Variants in DLGAP1 observed in about 807,000 individuals in gnomAD.
DLGAP1 encodes the protein disks large-associated protein 1.
In DLGAP1, 11 loss-of-function variants were observed where a neutral mutation model predicts 90.8. The observed-to-expected ratio is 0.12, with a 90% CI of 0.08 to 0.20. The LOEUF is 0.20. Ranked by LOEUF, DLGAP1 falls within the 10% of genes least tolerant of loss-of-function variation. The pLI, the probability that DLGAP1 is intolerant of heterozygous loss-of-function variation, is 1.00. For missense variants in DLGAP1, 1,050 were observed against 1,333.8 expected (o/e 0.79, Z 3.31); for synonymous variants, 558 against 540.7 (o/e 1.03, Z -0.44).
intron 1 of DLGAP1, among the ~76,000 whole-genome samples, chr18:4,201,244 C>T (rs542153290): frequency 6.6e-6 from 1 of 151,916 alleles, no homozygotes; most frequent in Admixed American, 6.6e-5. Context: ...AAGAGTTTTT[C>T]CTCCAGAAGT....
intron 1 of DLGAP1, among the ~76,000 whole-genome samples, chr18:4,213,675 T>C (rs183974128): frequency 9.8e-4 from 149 of 152,256 alleles, no homozygotes; most frequent in African/African-American, 3.4e-3. Context: ...TATAGAGATA[T>C]ATGCATTAAC....
intron 4 of DLGAP1, among the ~76,000 whole-genome samples, chr18:3,856,666 C>A (rs2069661826): frequency 6.6e-6 from 1 of 152,074 alleles, no homozygotes; most frequent in Non-Finnish European, 1.5e-5. Context: ...TCGAGACCAT[C>A]CTGGCTAACA....
At chr18:3,755,077 T>C (rs1248861333) in intron 5 of DLGAP1, among the ~76,000 whole-genome samples, 1 of 152,132 alleles carries the variant, frequency 6.6e-6, no homozygotes, top group Admixed American at 6.5e-5. Context: ...AATATTGATT[T>C]GAACTAGATT....
chr18:4,319,203 C>A (rs2143569766), intron 1 of DLGAP1, among the ~76,000 whole-genome samples: 1 of 152,180 alleles, frequency 6.6e-6, no homozygotes, highest in East Asian at 1.9e-4. Context: ...CTAGCATATA[C>A]TTGTTTTACT....
chr18:3,976,210 A>AATAATAATAATAATAACG (rs1190327837), intron 3 of DLGAP1, among the ~76,000 whole-genome samples: 6 of 148,932 alleles, frequency 4.0e-5, no homozygotes, highest in Non-Finnish European at 7.4e-5. Flanking sequence ...TAATAATAAT[A>AATAATAATAATAATAACG]ATAATAATAA....
intron 5 of DLGAP1, among the ~76,000 whole-genome samples, chr18:3,793,408 T>C (rs1188026412): frequency 5.3e-5 from 8 of 152,320 alleles, no homozygotes; most frequent in Admixed American, 4.6e-4. Flanking sequence ...GCCAGATTTA[T>C]TCCTTTGAAG....
chr18:4,254,842 C>G (rs1238268784), intron 1 of DLGAP1, among the ~76,000 whole-genome samples: 2 of 152,158 alleles, frequency 1.3e-5, no homozygotes, highest in Non-Finnish European at 2.9e-5. Flanking sequence ...AAGACAGGAC[C>G]TGAAGTAGCT....
chr18:4,387,962 C>A (rs1471600142), intron 1 of DLGAP1, among the ~76,000 whole-genome samples: 1 of 148,018 alleles, frequency 6.8e-6, no homozygotes, highest in Non-Finnish European at 1.5e-5. Flanking sequence ...CACACACACA[C>A]ACACACACAC....
At chr18:4,360,441 C>T (rs1396297632) in intron 1 of DLGAP1, among the ~76,000 whole-genome samples, 1 of 152,124 alleles carries the variant, frequency 6.6e-6, no homozygotes, top group Admixed American at 6.5e-5. Flanking sequence ...AAATGCGAAT[C>T]AAAAGGTGGA....
At chr18:4,076,219 A>G (rs1271712409) in intron 2 of DLGAP1, among the ~76,000 whole-genome samples, 1 of 152,230 alleles carries the variant, frequency 6.6e-6, no homozygotes, top group African/African-American at 2.4e-5. Flanking sequence ...TAAAAAAATT[A>G]TATGCCATGG....
Position 3,772,364 on chromosome 18 carries a change from CTTTCTTTCTTTCTTTCTTTCTT to C in DLGAP1, c.1173-29874_1173-29853del, listed in dbSNP as rs1384034984. ...TCTCTCTCTCTTTCTTTCTTTCTTTCTTTCTTTCTTTCTTTCTTTCTTTCTTTCTTTCTTTCTTTCTTTCTCT... is the reference window on the plus strand; with the variant it reads ...TCTCTCTCTCTTTCTTTCTTTCTTTCTCTTTCTTTCTTTCTTTCTTTCTCT... On this transcript the variant is annotated intron_variant, in intron 5 of 12. Coordinates refer to ENST00000315677, the MANE Select transcript of DLGAP1 (RefSeq NM_004746.4). 1.1e-3 allele frequency among the ~76,000 whole-genome samples: 11 copies of C among 10,296 alleles called. 1 individual carries two copies. Among genetic ancestry groups the C allele is most frequent in the South Asian group, 3.8e-3 (1 of 262 alleles). The allele number at this position is 10,296 out of a possible 152,430, so 6.8% of individuals were successfully genotyped here. A position where few individuals can be genotyped will look rare whatever the true frequency, so the allele number is the denominator to read the frequency against.
intron 7 of DLGAP1, among the ~76,000 whole-genome samples, chr18:3,669,772 T>C (rs559829719): frequency 2.0e-5 from 3 of 152,162 alleles, no homozygotes; most frequent in Admixed American, 2.0e-4. Flanking sequence ...ATCCAGTTCT[T>C]CCGGTGCACC....
intron 5 of DLGAP1, among the ~76,000 whole-genome samples, chr18:3,754,705 C>T (rs2063642582): frequency 7.0e-6 from 1 of 142,320 alleles, no homozygotes; most frequent in Admixed American, 7.1e-5. Context: ...CATGGTGAAA[C>T]CCGTCTCTAC....
intron 7 of DLGAP1, among the ~76,000 whole-genome samples, chr18:3,637,937 T>C (rs933894799): frequency 1.9e-4 from 27 of 145,588 alleles, no homozygotes; most frequent in Admixed American, 6.5e-4. Flanking sequence ...GTTTTTGTGC[T>C]AGGTAGCTTT....
At chr18:3,982,248 T>C (rs1299208100) in intron 3 of DLGAP1, among the ~76,000 whole-genome samples, 1 of 152,172 alleles carries the variant, frequency 6.6e-6, no homozygotes, top group Non-Finnish European at 1.5e-5. Flanking sequence ...CTTTTCAGGA[T>C]GCAGGTTTTG....
chr18:4,387,852 AC>A (rs2082261832), intron 1 of DLGAP1, among the ~76,000 whole-genome samples: 1 of 151,122 alleles, frequency 6.6e-6, no homozygotes, highest in Non-Finnish European at 1.5e-5. Flanking sequence ...AATCACTTGA[AC>A]CCGGGAGGTG....
At chr18:4,340,009 G>C (rs532748736) in intron 1 of DLGAP1, among the ~76,000 whole-genome samples, 47 of 152,100 alleles carry the variant, frequency 3.1e-4, no homozygotes, top group African/African-American at 9.9e-4. Context: ...ATCAATGGGG[G>C]ATATCTTCCA....
chr18:4,306,423 A>AAG (rs1349437249), intron 1 of DLGAP1, among the ~76,000 whole-genome samples: 1 of 110,544 alleles, frequency 9.0e-6, no homozygotes, highest in African/African-American at 3.4e-5. Flanking sequence ...AAGAGAAAGT[A>AAG]AGAGTGTGTG....
At chr18:4,213,147 G>T (rs745718486) in intron 1 of DLGAP1, among the ~76,000 whole-genome samples, 3 of 152,156 alleles carry the variant, frequency 2.0e-5, no homozygotes, top group African/African-American at 7.2e-5. Context: ...AGTCTCTGCC[G>T]TTCCTTGAAG....
Sources: allele counts gnomAD v4.1 joint callset (sites outside exome capture counted in the v4.1 genomes callset), GRCh38; gene constraint gnomAD v4.1.1; transcripts MANE v1.5; gene names NCBI Gene and HGNC (gene_info 2026-07-23, HGNC 2026-07-21).